The following STK32B variants were observed in gnomAD, a reference collection of about 807,000 sequenced individuals.
STK32B encodes serine/threonine kinase 32B, also known as serine/threonine-protein kinase 32B.
STK32B carries 43 observed loss-of-function variants against 52.6 expected under a neutral mutation model. That is an observed-to-expected ratio of 0.82 (90% CI 0.64 to 1.05). STK32B has a LOEUF of 1.05. Among genes scored for constraint, STK32B ranks in the 50% least tolerant of loss-of-function variants. The pLI is 0.00. For missense variants in STK32B, 621 were observed against 534.6 expected (o/e 1.16, Z -1.59); for synonymous variants, 238 against 204.3 (o/e 1.17, Z -1.41).
intron 4 of STK32B, among the ~76,000 whole-genome samples, chr4:5,385,200 GT>G (rs1736172060): frequency 6.6e-6 from 1 of 152,002 alleles, no homozygotes; most frequent in South Asian, 2.1e-4. Context: ...GAACAGGAGG[GT>G]TTAGATTAAG....
chr4:5,351,216 A>G (rs1320060612), intron 4 of STK32B, among the ~76,000 whole-genome samples: 2 of 151,946 alleles, frequency 1.3e-5, no homozygotes, highest in East Asian at 1.9e-4. Context: ...GCTAGACCAT[A>G]TGTTAGGTCT....
intron 3 of STK32B, among the ~76,000 whole-genome samples, chr4:5,263,356 C>G (rs1726853618): frequency 6.6e-6 from 1 of 152,196 alleles, no homozygotes; most frequent in Non-Finnish European, 1.5e-5. Flanking sequence ...AGATCACATT[C>G]TGCCCAGTCT....
chr4:5,212,999 A>G (rs1040056378), intron 3 of STK32B, among the ~76,000 whole-genome samples: 1 of 152,228 alleles, frequency 6.6e-6, no homozygotes, highest in African/African-American at 2.4e-5. Context: ...TAAAACTCAG[A>G]TAAAACCTGA....
intron 4 of STK32B, among the ~76,000 whole-genome samples, chr4:5,347,526 A>G (rs2108980193): frequency 6.6e-6 from 1 of 152,312 alleles, no homozygotes; most frequent in Middle Eastern, 3.4e-3. Flanking sequence ...ATGTACTCAA[A>G]GAGCCTTAAA....
chr4:5,421,757 C>G (rs1400564666), intron 6 of STK32B, among the ~76,000 whole-genome samples: 2 of 152,220 alleles, frequency 1.3e-5, no homozygotes, highest in East Asian at 3.8e-4. Context: ...GAGAAGAAAT[C>G]TGACCTGTAT....
At chr4:5,318,238 G>C (rs1170275104) in intron 3 of STK32B, among the ~76,000 whole-genome samples, 4 of 152,094 alleles carry the variant, frequency 2.6e-5, no homozygotes. Context: ...ATGAAGAGAG[G>C]TTTATAGGGG....
At chr4:5,340,971 G>A (rs1733035348) in intron 4 of STK32B, among the ~76,000 whole-genome samples, 1 of 152,162 alleles carries the variant, frequency 6.6e-6, no homozygotes, top group Non-Finnish European at 1.5e-5. Flanking sequence ...TTTGCCCCAG[G>A]ACACACAGCT....
intron 4 of STK32B, among the ~76,000 whole-genome samples, chr4:5,337,146 T>G (rs28794857): frequency 0.26 from 3,773 of 14,392 alleles, 153 homozygotes; most frequent in African/African-American, 0.38. Context: ...CCCTGGCCAA[T>G]TTTTTTTTTT....
intron 3 of STK32B, among the ~76,000 whole-genome samples, chr4:5,277,586 C>A (rs1386040638): frequency 6.6e-6 from 1 of 152,066 alleles, no homozygotes; most frequent in African/African-American, 2.4e-5. Context: ...TTTTCACCTG[C>A]CTACCCGGTT....
chr4:5,051,980 C>T (rs1219914063), intron 1 of STK32B, 65 bp downstream of exon 1: 43 of 1,547,910 alleles, frequency 2.8e-5, no homozygotes, highest in Middle Eastern at 1.7e-4. Context: ...CACCCTCGGC[C>T]GAGCCCTGCG....
chr4:5,363,892 C>T (rs924223182), intron 4 of STK32B, among the ~76,000 whole-genome samples: 1 of 151,984 alleles, frequency 6.6e-6, no homozygotes, highest in African/African-American at 2.4e-5. Flanking sequence ...GGAAAACTCC[C>T]TCCTGGCATA....
At chr4:5,259,882 A>G (rs1309622072) in intron 3 of STK32B, among the ~76,000 whole-genome samples, 1 of 152,002 alleles carries the variant, frequency 6.6e-6, no homozygotes, top group East Asian at 1.9e-4. Context: ...CGCAGAGGTC[A>G]GGAAGGTTTA....
chr4:5,481,595 G>C (rs139389682), intron 11 of STK32B, among the ~76,000 whole-genome samples: 23,126 of 151,858 alleles, frequency 0.15, 4,026 homozygotes, highest in African/African-American at 0.43. Context: ...TTAATTAGAT[G>C]CCATTTGTCA....
At chr4:5,063,648 T>TA (rs1342058987) in intron 1 of STK32B, among the ~76,000 whole-genome samples, 2 of 152,224 alleles carry the variant, frequency 1.3e-5, no homozygotes, top group African/African-American at 2.4e-5. Context: ...GTGTAATAAA[T>TA]ACCAAAATTA....
intron 3 of STK32B, among the ~76,000 whole-genome samples, chr4:5,245,392 G>T (rs1725367274): frequency 6.6e-6 from 1 of 152,096 alleles, no homozygotes; most frequent in African/African-American, 2.4e-5. Context: ...CAGAGACTAG[G>T]ATTGCAACCC....
intron 1 of STK32B, among the ~76,000 whole-genome samples, chr4:5,106,585 G>A (rs933639062): frequency 2.6e-5 from 4 of 152,098 alleles, no homozygotes; most frequent in African/African-American, 9.7e-5. Context: ...ATGTCATTCA[G>A]TCCATATTCA....
chr4:5,141,332 C>A (rs750869753), intron 2 of STK32B, among the ~76,000 whole-genome samples: 1 of 152,208 alleles, frequency 6.6e-6, no homozygotes, highest in Admixed American at 6.5e-5. Context: ...GGAAGACAGG[C>A]AAGTTCCAGG....
intron 4 of STK32B, among the ~76,000 whole-genome samples, chr4:5,391,683 G>A (rs28491550): frequency 1.3e-5 from 2 of 152,202 alleles, no homozygotes; most frequent in Non-Finnish European, 2.9e-5. Flanking sequence ...ATCAGGAAAT[G>A]CCTGAAGGCC....
At position 5,084,287 on chromosome 4, in the gene STK32B, G is replaced by A. The variant is rs141985260; in HGVS notation, c.52+32372G>A. ...ACTGGCTGCCACATGTAGCCTTGTC[G>A]ACTGGCATCTCTGTGTGTGTTTTGC... On this transcript the variant is annotated intron_variant, in intron 1 of 11. Coordinates refer to ENST00000282908, the MANE Select transcript of STK32B (RefSeq NM_018401.3). Among the ~76,000 whole-genome samples the A allele has an allele frequency of 4.8e-3, 725 of 152,192 alleles. 9 individuals are homozygous for A. Among genetic ancestry groups the A allele is most frequent in the African/African-American group, 0.014 (596 of 41,508 alleles).
Sources: allele counts gnomAD v4.1 joint callset (sites outside exome capture counted in the v4.1 genomes callset), GRCh38; gene constraint gnomAD v4.1.1; transcripts MANE v1.5; gene names NCBI Gene and HGNC (gene_info 2026-07-23, HGNC 2026-07-21).